Variants in PBX3 observed in about 807,000 individuals in gnomAD.
PBX3 encodes the protein PBX homeobox 3.
Under a neutral mutation model 48.5 loss-of-function variants are expected in PBX3, and 14 were observed. The observed-to-expected ratio is 0.29, with a 90% CI of 0.19 to 0.45. The LOEUF is 0.45. Ranked by LOEUF, PBX3 falls within the 20% of genes least tolerant of loss-of-function variation. PBX3 has a pLI of 1.00. For missense variants in PBX3, 386 were observed against 546.7 expected (o/e 0.71, Z 2.93); for synonymous variants, 210 against 200.3 (o/e 1.05, Z -0.41).
At chr9:125,761,770 T>C (rs1292016311) in intron 2 of PBX3, among the ~76,000 whole-genome samples, 1 of 152,174 alleles carries the variant, frequency 6.6e-6, no homozygotes, top group Non-Finnish European at 1.5e-5. Context: ...CATTTTTAAC[T>C]GTCCCAGTAT....
chr9:125,950,482 CTT>C (rs10623974), intron 5 of PBX3, among the ~76,000 whole-genome samples: 2 of 143,310 alleles, frequency 1.4e-5, no homozygotes, highest in Non-Finnish European at 3.0e-5. Flanking sequence ...TTTGCAACTT[CTT>C]TTTTTTTTTT....
chr9:125,941,196 T>C (rs1169477253), intron 5 of PBX3, among the ~76,000 whole-genome samples: 2 of 152,106 alleles, frequency 1.3e-5, no homozygotes, highest in Admixed American at 1.3e-4. Flanking sequence ...GGACAAGTCA[T>C]GTGGATAATC....
intron 5 of PBX3, among the ~76,000 whole-genome samples, chr9:125,946,644 A>G (rs1842069783): frequency 6.6e-6 from 1 of 152,206 alleles, no homozygotes; most frequent in Non-Finnish European, 1.5e-5. Context: ...CTGGAAGAAG[A>G]GTCCCAAGAA....
At chr9:125,817,202 A>G (rs1838491567) in intron 2 of PBX3, among the ~76,000 whole-genome samples, 1 of 152,234 alleles carries the variant, frequency 6.6e-6, no homozygotes, top group African/African-American at 2.4e-5. Context: ...CAGTGTGACT[A>G]GTTTCTTTAA....
Position 125,855,733 on chromosome 9 carries a change from G to C in PBX3, c.275-59953G>C, listed in dbSNP as rs544216444. Among the ~76,000 whole-genome samples, 26 of 152,178 alleles carry C rather than the reference G, an allele frequency of 1.7e-4. No individual in the cohort carries two copies. In the South Asian group the frequency reaches 5.4e-3, roughly 32 times the overall value. On this transcript the variant is annotated intron_variant, in intron 2 of 8. Transcript: ENST00000373489. The stretch of plus-strand genomic sequence containing the variant: ...GATAGATGCATCTAGAACCAAATGA[G>C]GGCAATAAAGTCTAATAGAAAGCTT...
chr9:125,768,437 CAA>C (rs1168564568), intron 2 of PBX3, among the ~76,000 whole-genome samples: 2 of 152,064 alleles, frequency 1.3e-5, no homozygotes, highest in African/African-American at 4.8e-5. Flanking sequence ...ACAATCGAAA[CAA>C]ATTCTTAAAA....
chr9:125,900,256 A>G (rs1479569020), intron 2 of PBX3, among the ~76,000 whole-genome samples: 2 of 121,698 alleles, frequency 1.6e-5, no homozygotes, highest in Non-Finnish European at 3.4e-5. Flanking sequence ...TTTTTTTAAC[A>G]CTTTACCATT....
intron 2 of PBX3, among the ~76,000 whole-genome samples, chr9:125,907,137 A>C (rs762105196): frequency 6.6e-6 from 1 of 152,044 alleles, no homozygotes; most frequent in Non-Finnish European, 1.5e-5. Context: ...GAGTAAAAGT[A>C]ACACAAAAGA....
intron 2 of PBX3, among the ~76,000 whole-genome samples, chr9:125,816,693 A>G (rs1838474127): frequency 6.6e-6 from 1 of 151,944 alleles, no homozygotes; most frequent in African/African-American, 2.4e-5. Context: ...TACTCTTTTG[A>G]CTGGGGAAAG....
In PBX3 at chr9:125,935,459, A is replaced by C. The variant is rs1841815421; in HGVS notation, c.708-13A>C. On this transcript the variant is annotated splice_polypyrimidine_tract_variant and intron_variant, in intron 4 of 8. Transcript: ENST00000373489. ...ATTGTAACTGCAATTATTTTCTTTCACTCTTGTCATAGACGGAAAAGGCGT... is the reference window on the plus strand; with the variant it reads ...ATTGTAACTGCAATTATTTTCTTTCCCTCTTGTCATAGACGGAAAAGGCGT... The C allele has an allele frequency of 6.2e-7, 1 of 1,612,398 alleles. No individual in the cohort carries two copies. Among genetic ancestry groups the C allele is most frequent in the East Asian group, 2.2e-5 (1 of 44,864 alleles).
chr9:125,765,712 A>G (rs1479475134), intron 2 of PBX3, among the ~76,000 whole-genome samples: 1 of 152,192 alleles, frequency 6.6e-6, no homozygotes, highest in Non-Finnish European at 1.5e-5. Context: ...GTCTTGTACT[A>G]CCATTCCCAA....
At chr9:125,801,784 T>TACACACACACAC (rs755443165) in intron 2 of PBX3, among the ~76,000 whole-genome samples, 28 of 74,294 alleles carry the variant, frequency 3.8e-4, no homozygotes, top group African/African-American at 1.4e-3. Context: ...TGAACATGTA[T>TACACACACACAC]ACACATACAC....
chr9:125,885,690 T>C (rs1175060513), intron 2 of PBX3, among the ~76,000 whole-genome samples: 2 of 152,134 alleles, frequency 1.3e-5, no homozygotes, highest in Non-Finnish European at 2.9e-5. Context: ...AGTGCTGTAA[T>C]TTTATTTAGG....
At chr9:125,786,303 A>T (rs10986910) in intron 2 of PBX3, among the ~76,000 whole-genome samples, 3,060 of 152,244 alleles carry the variant, frequency 0.02, 174 homozygotes, top group East Asian at 0.17. Flanking sequence ...CATCAGGGAG[A>T]GTTCCAGGGC....
chr9:125,852,372 C>G (rs967276922), intron 2 of PBX3, among the ~76,000 whole-genome samples: 1 of 151,858 alleles, frequency 6.6e-6, no homozygotes, highest in African/African-American at 2.4e-5. Flanking sequence ...TCTTTTTTTC[C>G]CTTTATAGTA....
chr9:125,880,894 CTG>C (rs1323135460), intron 2 of PBX3, among the ~76,000 whole-genome samples: 1 of 152,044 alleles, frequency 6.6e-6, no homozygotes, highest in African/African-American at 2.4e-5. Flanking sequence ...AAATAAAAAA[CTG>C]TCTTATTGAA....
At chr9:125,956,839 C>T (rs946287590) in intron 5 of PBX3, among the ~76,000 whole-genome samples, 1 of 152,194 alleles carries the variant, frequency 6.6e-6, no homozygotes, top group Non-Finnish European at 1.5e-5. Context: ...GACCACTGTA[C>T]AGACCATTCC....
At chr9:125,775,448 AT>A (rs1158410565) in intron 2 of PBX3, among the ~76,000 whole-genome samples, 4 of 152,322 alleles carry the variant, frequency 2.6e-5, no homozygotes, top group African/African-American at 9.6e-5. Context: ...GTCCAAATTC[AT>A]TCTTTTGGAT....
At chr9:125,962,662 G>A (rs1002909245) in intron 7 of PBX3, among the ~76,000 whole-genome samples, 1 of 152,132 alleles carries the variant, frequency 6.6e-6, no homozygotes, top group African/African-American at 2.4e-5. Context: ...TATACATCTA[G>A]ATGTATGTGT....
Sources: gnomAD v4.1 joint callset for allele counts (sites outside exome capture counted in the v4.1 genomes callset) on GRCh38, gnomAD v4.1.1 for gene constraint, MANE v1.5 for transcripts, NCBI Gene and HGNC (gene_info 2026-07-23, HGNC 2026-07-21) for gene names.